LMX1B: variants seen among roughly 807,000 people sequenced by gnomAD.
LMX1B encodes the protein LIM homeobox transcription factor 1-beta.
A neutral mutation model predicts 51.4 loss-of-function variants in LMX1B; 12 were observed. That is an observed-to-expected ratio of 0.23 (90% CI 0.15 to 0.38). The LOEUF is 0.38. Ranked by LOEUF, LMX1B falls within the 10% of genes least tolerant of loss-of-function variation. LMX1B has a pLI of 1.00. For missense variants in LMX1B, 445 were observed against 571.1 expected (o/e 0.78, Z 2.25); for synonymous variants, 237 against 235.4 (o/e 1.01, Z -0.06).
rs1415798366 is a variant in LMX1B at position 126,616,000 on chromosome 9, G to T, written c.326+431G>T. ...GGATTCCTGGAGCCTGGAGCCAGGA[G>T]CCAGGAGGTGGAGTGCTGGGACACT... is the stretch of plus-strand genomic sequence containing the variant. On this transcript the variant is annotated intron_variant, in intron 2 of 7. Coordinates refer to ENST00000373474, the MANE Select transcript of LMX1B (RefSeq NM_001174147.2). This position sits in a 1 kb window ranked among gnomAD's most constrained non-coding sequence, Gnocchi z 6.0. Among the ~76,000 whole-genome samples the T allele has an allele frequency of 5.9e-5, 9 of 152,228 alleles. No individual in the cohort carries two copies. The highest frequency in any genetic ancestry group is 1.0e-4 in the Non-Finnish European group (7 of 68,034).
chr9:126,699,604 C>T lies in LMX1B; in HGVS notation c.*3153C>T, dbSNP rs1215305655. 6.6e-6 allele frequency: 1 copy of T among 152,630 alleles called. No homozygotes were observed. The highest frequency in any genetic ancestry group is 1.5e-5 in the Non-Finnish European group (1 of 68,428). 9.5% of individuals were successfully genotyped at this position (152,630 alleles called of 1,614,324 possible). On this transcript the variant is annotated 3_prime_UTR_variant, in exon 8 of 8. Coordinates refer to ENST00000373474, the MANE Select transcript of LMX1B (RefSeq NM_001174147.2). ...GACACCAGTGCCCACTCTGCCCAGCCCCGGACTGGGTGTGGCTCGCAGATG... is the reference window on the plus strand; with the variant it reads ...GACACCAGTGCCCACTCTGCCCAGCTCCGGACTGGGTGTGGCTCGCAGATG...
intron 2 of LMX1B, among the ~76,000 whole-genome samples, chr9:126,644,062 AGAGGCCCGGCTGATAAAGGCCATCTG>A (rs903375893): frequency 9.9e-5 from 15 of 152,134 alleles, no homozygotes; most frequent in Non-Finnish European, 1.9e-4. Context: ...AGAGAGGAGA[AGAGGCCCGGCTGATAAAGGCCATCTG>A]GAGGCCAGGT....
chr9:126,670,931 T>A (rs1836438412), intron 2 of LMX1B, among the ~76,000 whole-genome samples: 2 of 152,178 alleles, frequency 1.3e-5, no homozygotes. Flanking sequence ...TGGGTGTGGG[T>A]ATAGCTGTGG....
Position 126,677,180 on chromosome 9 carries a change from G to T in LMX1B, c.327-13656G>T, listed in dbSNP as rs541779328. ...CAGAGCGCAGGAGACCCAGGGATGT[G>T]GTCCCCCAGATTCTCTTCTCCATCC... On this transcript the variant is annotated intron_variant, in intron 2 of 7. Transcript: ENST00000373474. The surrounding 1 kb of genome is among the most constrained non-coding windows in gnomAD (Gnocchi z 5.0). 1.3e-5 allele frequency among the ~76,000 whole-genome samples: 2 copies of T among 152,282 alleles called. No homozygotes were observed. The highest frequency in any genetic ancestry group is 3.9e-4 in the East Asian group (2 of 5,180).
chr9:126,676,747 T>C (rs1836571879), intron 2 of LMX1B, among the ~76,000 whole-genome samples: 1 of 152,126 alleles, frequency 6.6e-6, no homozygotes, highest in African/African-American at 2.4e-5. Context: ...TTTCAGACCT[T>C]TCGGAGTTAC....
At chr9:126,686,444 C>T (rs555274531) in intron 2 of LMX1B, among the ~76,000 whole-genome samples, 1 of 152,288 alleles carries the variant, frequency 6.6e-6, no homozygotes, top group Admixed American at 6.5e-5. Flanking sequence ...TATCTTCTCA[C>T]AGCCTGGGAC....
At chr9:126,693,461 A>T in intron 4 of LMX1B, 63 bp from the exon 5 acceptor site, 2 of 1,580,244 alleles carry the variant, frequency 1.3e-6, no homozygotes, top group Non-Finnish European at 1.7e-6. Flanking sequence ...CATACCCCTA[A>T]ACCCACCATC....
chr9:126,662,011 C>T (rs1439901386), intron 2 of LMX1B, among the ~76,000 whole-genome samples: 1 of 152,184 alleles, frequency 6.6e-6, no homozygotes, highest in Non-Finnish European at 1.5e-5. Context: ...ATGCTAGGCC[C>T]ACTAGGCATG....
chr9:126,677,799 G>C lies in LMX1B; in HGVS notation c.327-13037G>C, dbSNP rs767281871. ...ACAGGGCATGTACTCAGGGCATTGCGGGGAGGAGGAAGCTTAGTCCAGATC... is the reference window on the plus strand; with the variant it reads ...ACAGGGCATGTACTCAGGGCATTGCCGGGAGGAGGAAGCTTAGTCCAGATC... On this transcript the variant is annotated intron_variant, in intron 2 of 7. Transcript: ENST00000373474. This position sits in a 1 kb window ranked among gnomAD's most constrained non-coding sequence, Gnocchi z 5.0. Among the ~76,000 whole-genome samples the C allele has an allele frequency of 7.9e-5, 12 of 152,200 alleles. No individual in the cohort carries two copies. The highest frequency in any genetic ancestry group is 1.3e-4 in the Non-Finnish European group (9 of 68,036).
At position 126,697,061 on chromosome 9, in the gene LMX1B, C is replaced by T. The variant is rs1242737274; in HGVS notation, c.*610C>T. ...AGAGAGGCACGTGCAGACACATGCA[C>T]ACTTGCAGACAAACCCACGCAAACA... On this transcript the variant is annotated 3_prime_UTR_variant, in exon 8 of 8. Coordinates refer to ENST00000373474, the MANE Select transcript of LMX1B (RefSeq NM_001174147.2). 6.2e-6 allele frequency: 1 copy of T among 161,952 alleles called. No individual in the cohort carries two copies. Among genetic ancestry groups the T allele is most frequent in the Non-Finnish European group, 1.4e-5 (1 of 73,592 alleles). 10.0% of individuals were successfully genotyped at this position (161,952 alleles called of 1,614,324 possible). A position where few individuals can be genotyped will look rare whatever the true frequency, so the allele number is the denominator to read the frequency against.
intron 2 of LMX1B, among the ~76,000 whole-genome samples, chr9:126,627,021 A>G (rs2118851308): frequency 6.6e-6 from 1 of 152,272 alleles, no homozygotes; most frequent in South Asian, 2.1e-4. Context: ...AAGGGTCTGG[A>G]CGCAACAGCC....
At chr9:126,622,845 T>C (rs1370206816) in intron 2 of LMX1B, among the ~76,000 whole-genome samples, 1 of 152,156 alleles carries the variant, frequency 6.6e-6, no homozygotes, top group African/African-American at 2.4e-5. Context: ...ATCCAGAATG[T>C]CTCCATCTCC....
At chr9:126,659,985 C>CTT (rs1482285085) in intron 2 of LMX1B, among the ~76,000 whole-genome samples, 2,038 of 75,784 alleles carry the variant, frequency 0.027, 124 homozygotes, top group Non-Finnish European at 0.031. Flanking sequence ...CAAAGGTTGT[C>CTT]CTGTGTGTGT....
chr9:126,643,038 C>G (rs1391692456), intron 2 of LMX1B, among the ~76,000 whole-genome samples: 2 of 152,210 alleles, frequency 1.3e-5, no homozygotes, highest in Admixed American at 1.3e-4. Flanking sequence ...CTGGGAGGAG[C>G]TGAGGCTGCA....
rs1231257072 is a variant in LMX1B at position 126,641,099 on chromosome 9, T to G, written c.326+25530T>G. ...TTTCTCCACGAGGCACAGAGCTGAGTAGGCAACCTGGCACGGGGGCATGTG... is the reference window on the plus strand; with the variant it reads ...TTTCTCCACGAGGCACAGAGCTGAGGAGGCAACCTGGCACGGGGGCATGTG... On this transcript the variant is annotated intron_variant, in intron 2 of 7. Transcript: ENST00000373474. The surrounding 1 kb of genome is among the most constrained non-coding windows in gnomAD (Gnocchi z 4.1). The G allele has an allele frequency of 6.6e-6, 1 of 152,188 alleles. No individual in the cohort carries two copies. The highest frequency in any genetic ancestry group is 1.5e-5 in the Non-Finnish European group (1 of 68,112). The allele number at this position is 152,188 out of a possible 1,614,324, so 9.4% of individuals were successfully genotyped here. A position where few individuals can be genotyped will look rare whatever the true frequency, so the allele number is the denominator to read the frequency against.
rs1172775158 is a variant in LMX1B, at chr9:126,626,575, G to A, written c.326+11006G>A. ...GAGCCCCCTCTGCAATCCCGGCTCA[G>A]TCGGCAACCGGCCCTTCCTTCCAGG... is the stretch of plus-strand genomic sequence containing the variant. On this transcript the variant is annotated intron_variant, in intron 2 of 7. Transcript: ENST00000373474. The surrounding 1 kb of genome is among the most constrained non-coding windows in gnomAD (Gnocchi z 4.3). Among the ~76,000 whole-genome samples, 1 of 152,214 alleles carries A rather than the reference G, an allele frequency of 6.6e-6. No individual in the cohort carries two copies. Among genetic ancestry groups the A allele is most frequent in the Non-Finnish European group, 1.5e-5 (1 of 68,046 alleles).
rs549953641 is a variant in LMX1B at position 126,662,110 on chromosome 9, GGCT to G, written c.327-28719_327-28717del. On this transcript the variant is annotated intron_variant, in intron 2 of 7. Coordinates refer to ENST00000373474, the MANE Select transcript of LMX1B (RefSeq NM_001174147.2). Reference sequence around the variant, plus strand: ...GAAAGCTGGAGTCAGACAGACACAGGGCTGCTGCTACCAGTCCCTGCTTTGCTG... The same window carrying G: ...GAAAGCTGGAGTCAGACAGACACAGGGCTGCTACCAGTCCCTGCTTTGCTG... Among the ~76,000 whole-genome samples the G allele has an allele frequency of 1.1e-4, 16 of 152,314 alleles. No individual in the cohort carries two copies. In the South Asian group the frequency reaches 3.1e-3, roughly 30 times the overall value.
At chr9:126,646,419 T>G (rs1835903147) in intron 2 of LMX1B, among the ~76,000 whole-genome samples, 1 of 151,764 alleles carries the variant, frequency 6.6e-6, no homozygotes, top group Admixed American at 6.6e-5. Context: ...CATCCATCCA[T>G]CCATCCAGCC....
At chr9:126,651,031 G>A (rs1465268464) in intron 2 of LMX1B, among the ~76,000 whole-genome samples, 2 of 152,126 alleles carry the variant, frequency 1.3e-5, no homozygotes, top group Admixed American at 6.5e-5. Flanking sequence ...CAGATGAGGC[G>A]GTGATGGGGA....
Sources: allele counts gnomAD v4.1 joint callset (sites outside exome capture counted in the v4.1 genomes callset), GRCh38; gene constraint gnomAD v4.1.1; non-coding constraint Gnocchi (gnomAD v3.1); transcripts MANE v1.5; gene names NCBI Gene and HGNC (gene_info 2026-07-23, HGNC 2026-07-21).